Variants in ZDHHC24 observed in about 807,000 individuals in gnomAD.
The protein encoded by ZDHHC24 is probable palmitoyltransferase ZDHHC24.
A neutral mutation model predicts 23.2 loss-of-function variants in ZDHHC24; 17 were observed. The observed-to-expected ratio is 0.73, with a 90% CI of 0.50 to 1.10. The LOEUF is 1.10. ZDHHC24 is among the 50% of genes least tolerant of loss of function. The pLI is 0.00. For missense variants in ZDHHC24, 366 were observed against 393.0 expected, an observed-to-expected ratio of 0.93 and a Z score of 0.58; for synonymous variants, 186 against 194.5, an observed-to-expected ratio of 0.96 and a Z score of 0.36.
intron 2 of ZDHHC24, chr11:66,529,741 G>A (rs942337442): frequency 6.4e-7 from 1 of 1,566,340 alleles, no homozygotes; most frequent in Admixed American, 1.7e-5. Flanking sequence ...ACACCAACCT[G>A]AGCAGGAGTG....
intron 1 of ZDHHC24, among the ~76,000 whole-genome samples, chr11:66,544,534 A>G (rs551779586): frequency 5.3e-4 from 80 of 152,238 alleles, no homozygotes; most frequent in African/African-American, 1.9e-3. Flanking sequence ...GGGAACATAC[A>G]TGCTGGGTAC....
At chr11:66,524,896 A>T (rs950653419) in intron 4 of ZDHHC24, among the ~76,000 whole-genome samples, 1 of 151,370 alleles carries the variant, frequency 6.6e-6, no homozygotes, top group African/African-American at 2.4e-5. Context: ...CTCTACTAAA[A>T]ATAAACAAAT....
At chr11:66,523,426 G>A (rs925660059) in intron 4 of ZDHHC24, 2 of 1,614,088 alleles carry the variant, frequency 1.2e-6, no homozygotes, top group Non-Finnish European at 1.7e-6. Context: ...GATTTCTCTG[G>A]GGCCAGACAG....
chr11:66,541,646 G>A (rs1223603508), intron 2 of ZDHHC24, among the ~76,000 whole-genome samples: 1 of 152,132 alleles, frequency 6.6e-6, no homozygotes, highest in Admixed American at 6.6e-5. Context: ...CGGTTCTTGG[G>A]GATCAGATAA....
downstream of ZDHHC24, chr11:66,531,990 A>C: frequency 6.2e-7 from 1 of 1,607,510 alleles, no homozygotes; most frequent in Non-Finnish European, 8.5e-7. Flanking sequence ...ACCCCTGCTG[A>C]GTGCCCACGT....
At chr11:66,531,776 G>A, downstream of ZDHHC24, 1 of 1,613,918 alleles carries the variant, frequency 6.2e-7, no homozygotes. Context: ...TGGAAGGTGA[G>A]CAGGACCCTG....
chr11:66,522,932 C>T (rs576580828), intron 4 of ZDHHC24: 3 of 350,328 alleles, frequency 8.6e-6, no homozygotes, highest in Non-Finnish European at 1.7e-5. Flanking sequence ...GTGAGAAAGT[C>T]GGGAAGAGTG....
chr11:66,535,345 A>C (rs895279284), downstream of ZDHHC24, among the ~76,000 whole-genome samples: 13 of 132,916 alleles, frequency 9.8e-5, no homozygotes, highest in East Asian at 2.3e-4. Context: ...CCCATCCCCC[A>C]CACTACAGAC....
intron 2 of ZDHHC24, among the ~76,000 whole-genome samples, chr11:66,540,242 AC>A (rs1205698272): frequency 2.0e-5 from 3 of 151,716 alleles, no homozygotes; most frequent in African/African-American, 7.3e-5. Context: ...ACACGGTAAA[AC>A]CCCGTCTCTA....
chr11:66,532,038 G>A (rs1856807422), downstream of ZDHHC24: 1 of 1,601,082 alleles, frequency 6.2e-7, no homozygotes, highest in Non-Finnish European at 8.5e-7. Context: ...GGCCGCCTGA[G>A]ACCTGAGCTG....
intron 4 of ZDHHC24, chr11:66,524,234 C>A (rs1856385290): frequency 5.5e-6 from 2 of 360,428 alleles, no homozygotes; most frequent in Non-Finnish European, 5.4e-6. Flanking sequence ...GAGCCAAGAT[C>A]AAACCATGGC....
chr11:66,526,108 G>A (rs1192886639), intron 4 of ZDHHC24: 1 of 1,613,986 alleles, frequency 6.2e-7, no homozygotes. Flanking sequence ...ACTAAACTCT[G>A]ACGTCTCCAC....
intron 2 of ZDHHC24, 71 bp from the exon 3 acceptor site, chr11:66,539,895 C>A (rs902416648): frequency 7.2e-6 from 10 of 1,396,064 alleles, no homozygotes; most frequent in South Asian, 4.3e-5. Context: ...TGCTCCCCTC[C>A]ACCACAAAGC....
chr11:66,531,505 AC>A, downstream of ZDHHC24: 2 of 1,027,104 alleles, frequency 1.9e-6, no homozygotes, highest in African/African-American at 3.1e-5. Flanking sequence ...TCACTTCCCC[AC>A]CACACCTGCA....
At chr11:66,523,362 C>T (rs1856324036) in intron 4 of ZDHHC24, 6 of 1,568,602 alleles carry the variant, frequency 3.8e-6, no homozygotes, top group Non-Finnish European at 5.3e-6. Context: ...AGTGTTCCTC[C>T]CAGGTGAGTC....
downstream of ZDHHC24, among the ~76,000 whole-genome samples, chr11:66,535,393 A>G (rs2134858684): frequency 6.9e-6 from 1 of 145,238 alleles, no homozygotes; most frequent in Admixed American, 6.9e-5. Flanking sequence ...TTTTTAAGAC[A>G]CAGGGTCTCA....
In ZDHHC24 at chr11:66,545,710, G is replaced by A. The variant is rs1343882737; in HGVS notation, c.281+13C>T. On this transcript the variant is annotated intron_variant, in intron 1 of 2. Coordinates refer to ENST00000310442, the MANE Select transcript of ZDHHC24 (RefSeq NM_207340.3). This position sits in a 1 kb window ranked among gnomAD's most constrained non-coding sequence, Gnocchi z 4.5. Reference sequence around the variant, plus strand: ...CTCCCACTTCTCCCCGCCCGATCCCGCACCCCACTCACGCCCAGCCCTGGC... The same window carrying A: ...CTCCCACTTCTCCCCGCCCGATCCCACACCCCACTCACGCCCAGCCCTGGC... The A allele has an allele frequency of 4.6e-6, 7 of 1,518,288 alleles. No homozygotes were observed. Among genetic ancestry groups the A allele is most frequent in the Non-Finnish European group, 5.3e-6 (6 of 1,139,008 alleles). 94.1% of individuals were successfully genotyped at this position (1,518,288 alleles called of 1,614,324 possible).
chr11:66,545,783 C>A lies in ZDHHC24; in HGVS notation c.221G>T (p.Arg74Leu). 1 of 1,588,512 alleles carries A rather than the reference C, an allele frequency of 6.3e-7. No homozygotes were observed. Residue 74 changes from arginine to leucine, a missense_variant, in exon 1 of 3, where the codon CGC becomes CTC. Arg to Leu is a moderately radical substitution (Grantham distance 102). Coordinates refer to ENST00000310442, the MANE Select transcript of ZDHHC24 (RefSeq NM_207340.3). This position sits in a 1 kb window ranked among gnomAD's most constrained non-coding sequence, Gnocchi z 4.5. ...NLLGNVGLFL[R>L]SDPSIRGVML... ...CACGCCACGGATGCTGGGATCCGAG[C>A]GCAGGAAGAGCCCCACGTTGCCCAG...
At chr11:66,539,885 T>C (rs2134876676) in intron 2 of ZDHHC24, 61 bp from the exon 3 acceptor site, 1 of 1,438,904 alleles carries the variant, frequency 6.9e-7, no homozygotes, top group Non-Finnish European at 9.2e-7. Flanking sequence ...TCCTGCCACC[T>C]GCTCCCCTCC....
Sources: gnomAD v4.1 joint callset for allele counts (sites outside exome capture counted in the v4.1 genomes callset) on GRCh38, gnomAD v4.1.1 for gene constraint, Gnocchi (gnomAD v3.1) non-coding constraint, MANE v1.5 for transcripts, NCBI Gene and HGNC (gene_info 2026-07-23, HGNC 2026-07-21) for gene names.